KHDRBS2: variants seen among roughly 807,000 people sequenced by gnomAD.
KHDRBS2 encodes the protein KH RNA binding domain containing, signal transduction associated 2, also known as KH domain-containing, RNA-binding, signal transduction-associated protein 2.
Under a neutral mutation model 44.3 loss-of-function variants are expected in KHDRBS2, and 26 were observed. The ratio of observed to expected loss-of-function variants is 0.59; its 90% CI spans 0.43 to 0.81. The LOEUF is 0.81. Among genes scored for constraint, KHDRBS2 ranks in the 40% least tolerant of loss-of-function variants. The probability of loss-of-function intolerance (pLI) is 0.00; values close to 1 mark genes in which losing one functional copy is unlikely to be tolerated. For synonymous variants in KHDRBS2, 194 were observed against 151.1 expected, an observed-to-expected ratio of 1.28 and a Z score of -2.08; for missense variants, 476 against 433.1, an observed-to-expected ratio of 1.10 and a Z score of -0.88.
intron 5 of KHDRBS2, among the ~76,000 whole-genome samples, chr6:61,895,388 A>G (rs910037973): frequency 5.3e-5 from 8 of 152,192 alleles, no homozygotes; most frequent in Non-Finnish European, 1.2e-4. Flanking sequence ...TCTGTTTACT[A>G]TAGCTGCTTA....
chr6:61,867,075 A>G (rs1274898905), intron 6 of KHDRBS2, among the ~76,000 whole-genome samples: 2 of 152,214 alleles, frequency 1.3e-5, no homozygotes, highest in African/African-American at 4.8e-5. Flanking sequence ...GTATCTTTTC[A>G]GCAGAGCCCC....
intron 6 of KHDRBS2, among the ~76,000 whole-genome samples, chr6:61,806,067 G>T (rs1787109656): frequency 1.3e-5 from 2 of 152,140 alleles, no homozygotes. Context: ...ATTTTCCAAA[G>T]ATATTTACAA....
chr6:61,900,957 A>C (rs1803879352), intron 5 of KHDRBS2, among the ~76,000 whole-genome samples: 1 of 152,188 alleles, frequency 6.6e-6, no homozygotes, highest in South Asian at 2.1e-4. Context: ...TAAAATGTGA[A>C]TTCTGGAGTC....
At chr6:61,547,263 T>C in the KHDRBS2 span, among the ~76,000 whole-genome samples, 1 of 152,170 alleles carries the variant, frequency 6.6e-6, no homozygotes, top group African/African-American at 2.4e-5. Flanking sequence ...TCTTGGAGGA[T>C]AGGTTTGAGA....
chr6:61,756,322 T>C (rs1778477830), intron 6 of KHDRBS2, among the ~76,000 whole-genome samples: 1 of 152,092 alleles, frequency 6.6e-6, no homozygotes, highest in Non-Finnish European at 1.5e-5. Flanking sequence ...AGTGGCACGA[T>C]CTTGGCTCAC....
chr6:62,166,556 T>C (rs1429448545), intron 2 of KHDRBS2, among the ~76,000 whole-genome samples: 1 of 152,100 alleles, frequency 6.6e-6, no homozygotes, highest in Non-Finnish European at 1.5e-5. Flanking sequence ...GGTCCTAACT[T>C]AATAAAAGTA....
At chr6:61,723,136 G>A (rs1375582697) in intron 7 of KHDRBS2, among the ~76,000 whole-genome samples, 1 of 149,438 alleles carries the variant, frequency 6.7e-6, no homozygotes, top group Non-Finnish European at 1.5e-5. Context: ...CAGGACTATA[G>A]ACAAGTGGCC....
chr6:61,586,967 C>G, the KHDRBS2 span, among the ~76,000 whole-genome samples: 2 of 152,148 alleles, frequency 1.3e-5, no homozygotes, highest in Non-Finnish European at 2.9e-5. Flanking sequence ...GTTCAAATTT[C>G]TTTGTGCATA....
chr6:61,994,451 A>G (rs1446241688), intron 3 of KHDRBS2, among the ~76,000 whole-genome samples: 1 of 152,314 alleles, frequency 6.6e-6, no homozygotes, highest in East Asian at 1.9e-4. Context: ...TGCCTGAAAC[A>G]TAAGGATCTG....
intron 6 of KHDRBS2, among the ~76,000 whole-genome samples, chr6:61,891,173 A>T (rs1341607485): frequency 1.3e-5 from 2 of 152,190 alleles, no homozygotes; most frequent in African/African-American, 2.4e-5. Context: ...TGGATAGTTG[A>T]ATGAAACAAA....
downstream of KHDRBS2, among the ~76,000 whole-genome samples, chr6:61,679,695 G>T (rs1370301990): frequency 1.3e-5 from 2 of 151,918 alleles, no homozygotes; most frequent in African/African-American, 2.4e-5. Flanking sequence ...CTGATGATTT[G>T]TTTGTCAAAA....
At chr6:62,093,224 TAA>T (rs201255751) in intron 2 of KHDRBS2, among the ~76,000 whole-genome samples, 4 of 134,438 alleles carry the variant, frequency 3.0e-5, no homozygotes, top group African/African-American at 2.7e-5. Context: ...TTAGATAAAG[TAA>T]AAAAAAAAAA....
intron 1 of KHDRBS2, among the ~76,000 whole-genome samples, chr6:62,266,042 G>GTC (rs1282628415): frequency 6.6e-6 from 1 of 152,004 alleles, no homozygotes; most frequent in Non-Finnish European, 1.5e-5. Context: ...CCTAGTTCAT[G>GTC]TTTATTCATT....
the KHDRBS2 span, among the ~76,000 whole-genome samples, chr6:61,622,488 G>A: frequency 1.3e-5 from 2 of 152,196 alleles, no homozygotes; most frequent in Non-Finnish European, 2.9e-5. Context: ...TGGATTTTAT[G>A]ATTGCTTGAT....
intron 3 of KHDRBS2, among the ~76,000 whole-genome samples, chr6:62,047,461 G>A (rs1562718960): frequency 1.3e-5 from 2 of 151,792 alleles, no homozygotes; most frequent in Non-Finnish European, 2.9e-5. Context: ...CAGGTAAGAG[G>A]ATCAAAGTGA....
intron 2 of KHDRBS2, among the ~76,000 whole-genome samples, chr6:62,070,672 T>C (rs940479215): frequency 1.1e-4 from 17 of 152,308 alleles, no homozygotes; most frequent in African/African-American, 3.8e-4. Context: ...CATGAACTCA[T>C]CATTTTTTAT....
the KHDRBS2 span, among the ~76,000 whole-genome samples, chr6:61,634,933 C>A: frequency 6.6e-6 from 1 of 151,746 alleles, no homozygotes; most frequent in African/African-American, 2.4e-5. Context: ...CAATTATTAT[C>A]TATTTTATAG....
chr6:61,855,250 G>A (rs911660383), intron 6 of KHDRBS2, among the ~76,000 whole-genome samples: 14 of 152,078 alleles, frequency 9.2e-5, no homozygotes, highest in Non-Finnish European at 1.5e-4. Context: ...TCATAATGCT[G>A]TTAGGATATG....
At position 62,184,654 on chromosome 6, in the gene KHDRBS2, C is replaced by A. The variant is rs116326224; in HGVS notation, c.92-7342G>T. On this transcript the variant is annotated intron_variant, in intron 1 of 8. Transcript: ENST00000281156. ...TATAAAACATTTTCCAGGGAGTGGG[C>A]AATTAAAGTTCATGTTTTGCCTTAA... 4.6e-3 allele frequency among the ~76,000 whole-genome samples: 697 copies of A among 151,832 alleles called. 7 individuals are homozygous for A. The highest frequency in any genetic ancestry group is 0.016 in the African/African-American group (663 of 41,518).
Sources: gnomAD v4.1 joint callset for allele counts (sites outside exome capture counted in the v4.1 genomes callset) on GRCh38, gnomAD v4.1.1 for gene constraint, MANE v1.5 for transcripts, NCBI Gene and HGNC (gene_info 2026-07-23, HGNC 2026-07-21) for gene names.